The following CYP27C1 variants were observed in gnomAD, a reference collection of about 807,000 sequenced individuals.
CYP27C1 encodes the protein cytochrome P450 family 27 subfamily C member 1, also known as cytochrome P450 27C1.
In CYP27C1, 29 loss-of-function variants were observed where a neutral mutation model predicts 40.6. That is an observed-to-expected ratio of 0.71 (90% CI 0.53 to 0.97). CYP27C1 has a LOEUF of 0.97. Ranked by LOEUF, CYP27C1 falls within the 50% of genes least tolerant of loss-of-function variation. CYP27C1 has a pLI of 0.00. For missense variants in CYP27C1, 390 were observed against 485.8 expected (o/e 0.80, Z 1.85); for synonymous variants, 198 against 186.8 (o/e 1.06, Z -0.49).
At chr2:127,202,083 TA>T (rs1314826605) in intron 3 of CYP27C1, among the ~76,000 whole-genome samples, 2 of 139,482 alleles carry the variant, frequency 1.4e-5, no homozygotes, top group African/African-American at 5.1e-5. Flanking sequence ...AGATGCATTC[TA>T]TTTTTTTTTT....
chr2:127,204,625 G>GAGAGAAAGAAAGA lies in CYP27C1; in HGVS notation c.474-1055_474-1054insTCTTTCTTTCTCT. On this transcript the variant is annotated intron_variant, in intron 2 of 8. Transcript: ENST00000664447. ...AGAAAGAAAGAAAGAAAGAAAGAAA[G>GAGAGAAAGAAAGA]AAGACTGCAGCTTGTTACCAGGGTG... Among the ~76,000 whole-genome samples the GAGAGAAAGAAAGA allele has an allele frequency of 2.1e-5, 2 of 94,216 alleles. 1 individual carries two copies. Among genetic ancestry groups the GAGAGAAAGAAAGA allele is most frequent in the African/African-American group, 8.3e-5 (2 of 24,084 alleles). The allele number at this position is 94,216 out of a possible 152,430, so 61.8% of individuals were successfully genotyped here.
intron 7 of CYP27C1, 111 bp from the exon 8 acceptor site, chr2:127,193,408 C>A: frequency 7.9e-7 from 1 of 1,267,036 alleles, no homozygotes; most frequent in Non-Finnish European, 1.1e-6. Flanking sequence ...CGCCTGGGGG[C>A]CGCCCGGGTC....
Position 127,208,519 on chromosome 2 carries a change from C to T in CYP27C1, c.283-2429G>A, listed in dbSNP as rs183915950. On this transcript the variant is annotated intron_variant, in intron 1 of 8. Coordinates refer to ENST00000664447, the MANE Select transcript of CYP27C1 (RefSeq NM_001367502.1). The surrounding 1 kb of genome is among the most constrained non-coding windows in gnomAD (Gnocchi z 5.2). ...GGGGATGGGCGACCAGCACCAGCTG[C>T]GGCTGCCTGCTGTCTAAGTAATTTG... Among the ~76,000 whole-genome samples the T allele has an allele frequency of 1.1e-3, 162 of 152,322 alleles. No homozygotes were observed. The highest frequency in any genetic ancestry group is 6.8e-3 in the Middle Eastern group (2 of 294).
In CYP27C1 at chr2:127,186,256, A is replaced by T. The variant is rs1573886654; in HGVS notation, c.*1015T>A. ...CAGGAGCTTTCTTTTTTATTTATTT[A>T]TTATTTATTTATTATTTATTTCTTC... On this transcript the variant is annotated 3_prime_UTR_variant, in exon 9 of 9. Coordinates refer to ENST00000664447, the MANE Select transcript of CYP27C1 (RefSeq NM_001367502.1). The surrounding 1 kb of genome is among the most constrained non-coding windows in gnomAD (Gnocchi z 4.5). 6.7e-6 allele frequency: 1 copy of T among 149,100 alleles called. No individual in the cohort carries two copies. Among genetic ancestry groups the T allele is most frequent in the Non-Finnish European group, 1.5e-5 (1 of 67,648 alleles). 9.2% of individuals were successfully genotyped at this position (149,100 alleles called of 1,614,324 possible).
intron 8 of CYP27C1, among the ~76,000 whole-genome samples, chr2:127,189,621 T>TAAA (rs34402051): frequency 0.084 from 11,837 of 141,222 alleles, 630 homozygotes; most frequent in Non-Finnish European, 0.13. Flanking sequence ...AAAGTAAAAT[T>TAAA]AAAAAAAAAA....
At chr2:127,217,598 G>C (rs1056531087) in intron 1 of CYP27C1, among the ~76,000 whole-genome samples, 5 of 152,132 alleles carry the variant, frequency 3.3e-5, no homozygotes, top group Non-Finnish European at 5.9e-5. Context: ...CTCCTGTTTC[G>C]GCCATCCTGC....
At chr2:127,198,808 G>A (rs1682964738) in intron 5 of CYP27C1, among the ~76,000 whole-genome samples, 1 of 152,198 alleles carries the variant, frequency 6.6e-6, no homozygotes, top group South Asian at 2.1e-4. Context: ...ATCTAGGTTT[G>A]TGTAAATACA....
In CYP27C1 at chr2:127,187,313, C is replaced by A. The variant is rs1216726487; in HGVS notation, c.1572G>T (p.Thr524=). 5.6e-6 allele frequency: 9 copies of A among 1,614,164 alleles called. No individual in the cohort carries two copies. In the East Asian group the frequency reaches 2.0e-4, roughly 36 times the overall value. ...AVHAKTHGLL[T]PGGPIHVRFV... ...ATCGCACGTGGATGGGCCCCCCTGG[C>A]GTCAGGAGCCCGTGGGTTTTTGCAT... The change falls in exon 9 of 9, where the codon ACG becomes ACT. Residue 524 remains threonine (T), a synonymous_variant. Coordinates refer to ENST00000664447, the MANE Select transcript of CYP27C1 (RefSeq NM_001367502.1).
Position 127,209,153 on chromosome 2 carries a change from C to G in CYP27C1, c.283-3063G>C, listed in dbSNP as rs2104697277. Reference sequence around the variant, plus strand: ...GAGGTCCCAGAAGAAGGAGCAGGCACCCATCATTGCTGCACTTCAGCCTCC... The same window carrying G: ...GAGGTCCCAGAAGAAGGAGCAGGCAGCCATCATTGCTGCACTTCAGCCTCC... On this transcript the variant is annotated intron_variant, in intron 1 of 8. Coordinates refer to ENST00000664447, the MANE Select transcript of CYP27C1 (RefSeq NM_001367502.1). The surrounding 1 kb of genome is among the most constrained non-coding windows in gnomAD (Gnocchi z 4.1). Among the ~76,000 whole-genome samples, 1 of 152,298 alleles carries G rather than the reference C, an allele frequency of 6.6e-6. No homozygotes were observed. The highest frequency in any genetic ancestry group is 2.1e-4 in the South Asian group (1 of 4,830).
rs1683216760 is a variant in CYP27C1, at chr2:127,205,916, T to G, written c.457A>C (p.Thr153Pro). 4.3e-6 allele frequency: 1 copy of G among 234,502 alleles called. No homozygotes were observed. The highest frequency in any genetic ancestry group is 7.0e-6 in the Non-Finnish European group (1 of 143,070). The allele number at this position is 234,502 out of a possible 1,614,324, so 14.5% of individuals were successfully genotyped here. A position where few individuals can be genotyped will look rare whatever the true frequency, so the allele number is the denominator to read the frequency against. ...REYRDLRGRA[T>P]GLISAEGEQW... ...CATACTCACGCCGAGATGAGCCCGGTGGCTCTCCCCCGCAAGTCTCGGTAC... is the reference window on the plus strand; with the variant it reads ...CATACTCACGCCGAGATGAGCCCGGGGGCTCTCCCCCGCAAGTCTCGGTAC... The change falls in exon 2 of 9, where the codon ACC becomes CCC. Residue 153 changes from threonine (T) to proline (P), a missense_variant. Coordinates refer to ENST00000664447, the MANE Select transcript of CYP27C1 (RefSeq NM_001367502.1).
Position 127,203,108 on chromosome 2 carries a change from C to T in CYP27C1, c.673+264G>A, listed in dbSNP as rs189789793. Among the ~76,000 whole-genome samples, 537 of 151,098 alleles carry T rather than the reference C, an allele frequency of 3.6e-3. 3 individuals carry two copies. Among genetic ancestry groups the T allele is most frequent in the African/African-American group, 0.012 (498 of 41,112 alleles). ...GCTTGAACCTGGGAGGCAGAGGTTG[C>T]AGCGAGCCAAGACCACATCATAGCA... is the stretch of plus-strand genomic sequence containing the variant. On this transcript the variant is annotated intron_variant, in intron 3 of 8. Coordinates refer to ENST00000664447, the MANE Select transcript of CYP27C1 (RefSeq NM_001367502.1).
At chr2:127,204,537 G>GAAAGAAAGAA (rs1465217266) in intron 2 of CYP27C1, among the ~76,000 whole-genome samples, 1 of 31,736 alleles carries the variant, frequency 3.2e-5, no homozygotes, top group African/African-American at 9.9e-5. Flanking sequence ...AAGAAAGAAA[G>GAAAGAAAGAA]AGAGAGAGAG....
rs1474485494 is a variant in CYP27C1 at position 127,186,747 on chromosome 2, C to G, written c.*524G>C. 6.6e-6 allele frequency: 1 copy of G among 152,492 alleles called. No individual in the cohort carries two copies. The highest frequency in any genetic ancestry group is 6.5e-5 in the Admixed American group (1 of 15,300). 9.4% of individuals were successfully genotyped at this position (152,492 alleles called of 1,614,324 possible). ...TTTAACAGGATCTAAATCTGGTGCT[C>G]AGGATAAAATGTTGCCTCTGGTGCT... On this transcript the variant is annotated 3_prime_UTR_variant, in exon 9 of 9. Coordinates refer to ENST00000664447, the MANE Select transcript of CYP27C1 (RefSeq NM_001367502.1). The surrounding 1 kb of genome is among the most constrained non-coding windows in gnomAD (Gnocchi z 4.5).
At chr2:127,217,624 T>G (rs767271558) in intron 1 of CYP27C1, among the ~76,000 whole-genome samples, 1 of 152,184 alleles carries the variant, frequency 6.6e-6, no homozygotes, top group Non-Finnish European at 1.5e-5. Context: ...TACCACACCC[T>G]AAATAGCATC....
chr2:127,187,047 C>T lies in CYP27C1; in HGVS notation c.*224G>A. ...GCCACTGGTTTTTAAACAGCTGTTT[C>T]CCCCAAAGAAAGGGCAACTTCTGGT... On this transcript the variant is annotated 3_prime_UTR_variant, in exon 9 of 9. Coordinates refer to ENST00000664447, the MANE Select transcript of CYP27C1 (RefSeq NM_001367502.1). 1 of 498,204 alleles carries T rather than the reference C, an allele frequency of 2.0e-6. No individual in the cohort carries two copies. The highest frequency in any genetic ancestry group is 3.6e-6 in the Non-Finnish European group (1 of 277,124). The allele number at this position is 498,204 out of a possible 1,614,324, so 30.9% of individuals were successfully genotyped here.
chr2:127,194,000 G>T, intron 6 of CYP27C1, 133 bp from the exon 7 acceptor site: 1 of 994,214 alleles, frequency 1.0e-6, no homozygotes, highest in Non-Finnish European at 1.5e-6. Flanking sequence ...ATTTTCAACT[G>T]AAACATTTTG....
rs978954915 is a variant in CYP27C1 at position 127,185,708 on chromosome 2, A to G, written c.*1563T>C. 5 of 152,290 alleles carry G rather than the reference A, an allele frequency of 3.3e-5. No individual in the cohort carries two copies. Among genetic ancestry groups the G allele is most frequent in the South Asian group, 2.1e-4 (1 of 4,824 alleles). 9.4% of individuals were successfully genotyped at this position (152,290 alleles called of 1,614,324 possible). ...TATTATGTCTATTTACTTAAGGGTT[A>G]TTTTGCAGAGTGACTTACTAAATGG... On this transcript the variant is annotated 3_prime_UTR_variant, in exon 9 of 9. Coordinates refer to ENST00000664447, the MANE Select transcript of CYP27C1 (RefSeq NM_001367502.1). The surrounding 1 kb of genome is among the most constrained non-coding windows in gnomAD (Gnocchi z 4.9).
At chr2:127,211,576 G>C (rs1477238139) in intron 1 of CYP27C1, among the ~76,000 whole-genome samples, 1 of 151,582 alleles carries the variant, frequency 6.6e-6, no homozygotes, top group South Asian at 2.1e-4. Context: ...TAGTAGAGAC[G>C]GGGTTTCACC....
rs555202345 is a variant in CYP27C1 at position 127,199,375 on chromosome 2, C to T, written c.1047+1G>A. The stretch of plus-strand genomic sequence containing the variant: ...GCTGAGAACAGGACCCCCAGACTCA[C>T]CGTGTCGACGCCGGCCAGCAGCATC... On this transcript the variant is annotated splice_donor_variant, in intron 5 of 8. Coordinates refer to ENST00000664447, the MANE Select transcript of CYP27C1 (RefSeq NM_001367502.1). LOFTEE classifies it high-confidence loss of function. The T allele has an allele frequency of 6.2e-7, 1 of 1,613,900 alleles. No homozygotes were observed. Among genetic ancestry groups the T allele is most frequent in the African/African-American group, 1.3e-5 (1 of 75,032 alleles).
Sources: allele counts gnomAD v4.1 joint callset (sites outside exome capture counted in the v4.1 genomes callset), GRCh38; gene constraint gnomAD v4.1.1; non-coding constraint Gnocchi (gnomAD v3.1); transcripts MANE v1.5; gene names NCBI Gene and HGNC (gene_info 2026-07-23, HGNC 2026-07-21).